The following ABCA7 variants were observed in gnomAD, a reference collection of about 807,000 sequenced individuals.
ABCA7 encodes the protein phospholipid-transporting ATPase ABCA7.
In ABCA7, 261 loss-of-function variants were observed where a neutral mutation model predicts 227.6. The ratio of observed to expected loss-of-function variants is 1.15; its 90% confidence interval spans 1.04 to 1.27. The LOEUF (loss-of-function observed/expected upper bound fraction) is 1.27. ABCA7 is among the 50% of genes most tolerant of loss of function. The pLI is 0.00. For missense variants in ABCA7, 3,331 were observed against 2,924.5 expected (o/e 1.14, Z -3.21); for synonymous variants, 1,488 against 1,279.7 (o/e 1.16, Z -3.47).
At chr19:1,053,888 G>A (rs753265765) in intron 25 of ABCA7, 52 bp downstream of exon 25, 11 of 1,595,324 alleles carry the variant, frequency 6.9e-6, no homozygotes, top group Admixed American at 1.7e-5. Context: ...GGGACCAGAG[G>A]CCAGGTCCCC....
intron 42 of ABCA7, 43 bp from the exon 43 acceptor site, chr19:1,063,501 C>T (rs769769875): frequency 1.2e-6 from 2 of 1,602,416 alleles, no homozygotes; most frequent in South Asian, 2.2e-5. Flanking sequence ...GCCCCATACT[C>T]ATCAATATGA....
rs1026922217 is a variant in ABCA7, at chr19:1,064,839, G to A, written c.6045-92G>A. On this transcript the variant is annotated intron_variant, in intron 45 of 46. Coordinates refer to ENST00000263094, the MANE Select transcript of ABCA7 (RefSeq NM_019112.4). ...GATCGCTAGGGTAGTACAAGTATGGGGCGGGGCCAGAGAGTATTAGGGGCT... is the reference window on the plus strand; with the variant it reads ...GATCGCTAGGGTAGTACAAGTATGGAGCGGGGCCAGAGAGTATTAGGGGCT... 3.4e-6 allele frequency: 5 copies of A among 1,450,500 alleles called. No individual in the cohort carries two copies. In the African/African-American group the frequency reaches 5.8e-5, roughly 17 times the overall value. The allele number at this position is 1,450,500 out of a possible 1,614,324, so 89.9% of individuals were successfully genotyped here.
At chr19:1,064,072 G>C in intron 44 of ABCA7, 89 bp from the exon 45 acceptor site, 1 of 1,414,582 alleles carries the variant, frequency 7.1e-7, no homozygotes, top group South Asian at 1.4e-5. Context: ...CACACCAGAA[G>C]GGTGGCCCAG....
chr19:1,062,917 C>G (rs7255278), intron 42 of ABCA7, among the ~76,000 whole-genome samples: 30 of 136,766 alleles, frequency 2.2e-4, no homozygotes, highest in Admixed American at 1.3e-3. Context: ...TGGCCCCGCC[C>G]CATACTCATG....
Position 1,048,916 on chromosome 19 carries a change from C to G in ABCA7, c.2291C>G (p.Pro764Arg). ...GCAGGCCAGTACGGGATCCCTGAAC[C>G]ATGGAATTTTCCTTTTCGGAGGAGC... ...VCPGQYGIPEPWNFPFRRSYW... is the reference protein window; with the variant it reads ...VCPGQYGIPERWNFPFRRSYW... The change falls in exon 17 of 47, where the codon CCA becomes CGA. Residue 764 changes from proline to arginine, a missense_variant. Physicochemically the swap from Pro to Arg is moderately radical, Grantham distance 103. Coordinates refer to ENST00000263094, the MANE Select transcript of ABCA7 (RefSeq NM_019112.4). The G allele has an allele frequency of 1.9e-6, 3 of 1,609,214 alleles. 1 individual carries two copies. The highest frequency in any genetic ancestry group is 2.2e-5 in the South Asian group (2 of 90,062).
chr19:1,048,036 C>T (rs2040892651), intron 16 of ABCA7, among the ~76,000 whole-genome samples: 1 of 151,694 alleles, frequency 6.6e-6, no homozygotes, highest in Admixed American at 6.6e-5. Context: ...AAAAAGTTAG[C>T]TGGGCGTGGT....
rs781650490 is a variant in ABCA7, at chr19:1,041,821, C to T, written c.161-10C>T. 87 of 1,600,694 alleles carry T rather than the reference C, an allele frequency of 5.4e-5. No individual in the cohort carries two copies. The highest frequency in any genetic ancestry group is 3.2e-4 in the Admixed American group (19 of 58,766). ...TCCACAGGGCCTCAGCACCAGGCGT[C>T]TCCCCGCAGGCCACTTCCCAAACAA... is the stretch of plus-strand genomic sequence containing the variant. On this transcript the variant is annotated splice_polypyrimidine_tract_variant and intron_variant, in intron 3 of 46. Coordinates refer to ENST00000263094, the MANE Select transcript of ABCA7 (RefSeq NM_019112.4).
intron 30 of ABCA7, among the ~76,000 whole-genome samples, chr19:1,055,627 C>T (rs1357281683): frequency 2.0e-5 from 3 of 151,498 alleles, no homozygotes; most frequent in African/African-American, 7.3e-5. Flanking sequence ...CTCAGCCTCC[C>T]GAGTAGCTGG....
rs147783767 is a variant in ABCA7 at position 1,045,210 on chromosome 19, G to A, written c.1424G>A (p.Arg475Lys). Residue 475 changes from arginine to lysine, a missense_variant, in exon 12 of 47, where the codon AGG becomes AAG. Physicochemically the swap from Arg to Lys is conservative, Grantham distance 26 (BLOSUM62 2). Transcript: ENST00000263094. Reference protein sequence around the residue: ...KIRMDIDVVTRTNKIRDRFWD... With the variant: ...KIRMDIDVVTKTNKIRDRFWD... ...CGCATGGACATTGACGTGGTCACGAGGACCAATAAGATCAGGGACAGGTCA... is the reference window on the plus strand; with the variant it reads ...CGCATGGACATTGACGTGGTCACGAAGACCAATAAGATCAGGGACAGGTCA... The A allele has an allele frequency of 6.8e-5, 109 of 1,609,980 alleles. No homozygotes were observed. Among genetic ancestry groups the A allele is most frequent in the Admixed American group, 1.2e-4 (7 of 59,942 alleles).
In ABCA7 at chr19:1,065,259, C is replaced by G; in HGVS notation, c.6286-11C>G. 6.2e-7 allele frequency: 1 copy of G among 1,612,640 alleles called. No homozygotes were observed. Among genetic ancestry groups the G allele is most frequent in the Non-Finnish European group, 8.5e-7 (1 of 1,179,756 alleles). ...CGTCCCTCTTGTCCCCTCTGGGCTG[C>G]CCACCGCTAGGTATTCTTGTACTTC... is the stretch of plus-strand genomic sequence containing the variant. On this transcript the variant is annotated splice_polypyrimidine_tract_variant and intron_variant, in intron 46 of 46. Coordinates refer to ENST00000263094, the MANE Select transcript of ABCA7 (RefSeq NM_019112.4).
rs771163730 is a variant in ABCA7 at position 1,041,426 on chromosome 19, C to T, written c.65C>T (p.Pro22Leu). 13 of 1,614,010 alleles carry T rather than the reference C, an allele frequency of 8.1e-6. No homozygotes were observed. The South Asian group carries it at 1.1e-4, about 14-fold the overall frequency. Residue 22 changes from proline to leucine, a missense_variant and splice_region_variant, in exon 2 of 47, where the codon CCG (proline) becomes CTG (leucine). Physicochemically the swap from Pro to Leu is moderately conservative, Grantham distance 98 (BLOSUM62 -3). Transcript: ENST00000263094. ...WKNFMYRRRQPVQLLVELLWP... is the reference protein window; with the variant it reads ...WKNFMYRRRQLVQLLVELLWP... ...AATTTCATGTATCGCCGGAGACAGC[C>T]GGTAACGCCCCAGTGTGAGACCAGG...
At chr19:1,048,874 A>G in intron 16 of ABCA7, 21 bp from the exon 17 acceptor site, 1 of 1,487,290 alleles carries the variant, frequency 6.7e-7, no homozygotes, top group Non-Finnish European at 9.2e-7. Context: ...GCTAAGCAAT[A>G]ACCCGCGCCC....
chr19:1,054,352 C>T lies in ABCA7; in HGVS notation c.3726+11C>T, dbSNP rs2042053739. 8 of 1,587,050 alleles carry T rather than the reference C, an allele frequency of 5.0e-6. No individual in the cohort carries two copies. The highest frequency in any genetic ancestry group is 6.0e-6 in the Non-Finnish European group (7 of 1,172,088). On this transcript the variant is annotated intron_variant, in intron 27 of 46. Transcript: ENST00000263094. This position sits in a 1 kb window ranked among gnomAD's most constrained non-coding sequence, Gnocchi z 4.8. ...GGCCTGTTCGCCCAGGTGAGGAGGG[C>T]TAGCACCAGGGAGTCGCATGGGAGT...
chr19:1,054,113 A>T lies in ABCA7; in HGVS notation c.3577+3A>T, dbSNP rs2042027217. ...AGCGCTGGAGAACGGGGAACCAGGT[A>T]AGTCCTTCCCAGTGGCCCTGGGGTC... On this transcript the variant is annotated splice_donor_region_variant and intron_variant, in intron 26 of 46. Transcript: ENST00000263094. This position sits in a 1 kb window ranked among gnomAD's most constrained non-coding sequence, Gnocchi z 4.8. The T allele has an allele frequency of 6.2e-7, 1 of 1,613,032 alleles. No individual in the cohort carries two copies. The highest frequency in any genetic ancestry group is 1.3e-5 in the African/African-American group (1 of 74,876).
In ABCA7 at chr19:1,058,240, A is replaced by G; in HGVS notation, c.5120A>G (p.Gln1707Arg). Residue 1707 changes from glutamine (Q) to arginine (R), a missense_variant, in exon 37 of 47, where the codon CAG (glutamine) becomes CGG (arginine). Coordinates refer to ENST00000263094, the MANE Select transcript of ABCA7 (RefSeq NM_019112.4). ...GRGLIDMVRNQAMADAFERLG... is the reference protein window; with the variant it reads ...GRGLIDMVRNRAMADAFERLG... ...GGGCTCATTGACATGGTGCGGAACC[A>G]GGCCATGGCTGATGCCTTTGAGCGC... 1 of 1,613,696 alleles carries G rather than the reference A, an allele frequency of 6.2e-7. No homozygotes were observed.
At chr19:1,055,433 G>A in intron 30 of ABCA7, 82 bp downstream of exon 30, 1 of 1,445,326 alleles carries the variant, frequency 6.9e-7, no homozygotes, top group Non-Finnish European at 9.1e-7. Context: ...CCTGGAGGAG[G>A]AAGTGGAGGG....
Position 1,046,972 on chromosome 19 carries a change from G to A in ABCA7, c.1793G>A (p.Ser598Asn), listed in dbSNP as rs972918339. The A allele has an allele frequency of 6.3e-7, 1 of 1,583,972 alleles. No individual in the cohort carries two copies. Among genetic ancestry groups the A allele is most frequent in the Non-Finnish European group, 8.6e-7 (1 of 1,168,620 alleles). ...GTGCTCTGGCTAGGCTGGTTCCTCA[G>A]CTGCCTCGGGCCCTTCCTGCTCAGC... ...RAVLWLGWFL[S>N]CLGPFLLSAA... Residue 598 changes from serine to asparagine, a missense_variant, in exon 14 of 47, where the codon AGC becomes AAC. By Grantham distance (46) the Ser-to-Asn change is conservative. Transcript: ENST00000263094.
rs562234430 is a variant in ABCA7, at chr19:1,051,225, G to T, written c.2755G>T (p.Glu919Ter). Residue 919 changes from glutamate to a stop codon, truncating the protein, a stop_gained, in exon 20 of 47, where the codon GAG (glutamate) becomes TAG (stop). Transcript: ENST00000263094. LOFTEE classifies it high-confidence loss of function. ...KGLSAAVVGP[E>*]QDRLLQDVGL... is the part of the protein sequence containing the mutation. ...TCTGAGTGCCGCTGTAGTGGGCCCC[G>T]AGCAGGACCGTCTGCTGCAGGATGT... 9.3e-6 allele frequency: 15 copies of T among 1,610,772 alleles called. No individual in the cohort carries two copies. The East Asian group carries it at 2.9e-4, about 31-fold the overall frequency.
chr19:1,064,140 C>T (rs898524030), intron 44 of ABCA7, 21 bp from the exon 45 acceptor site: 1 of 1,540,012 alleles, frequency 6.5e-7, no homozygotes, highest in Admixed American at 2.0e-5. Flanking sequence ...TCACGGAGCT[C>T]GTGGTGCCGG....
Sources: gnomAD v4.1 joint callset for allele counts (sites outside exome capture counted in the v4.1 genomes callset) on GRCh38, gnomAD v4.1.1 for gene constraint, Gnocchi (gnomAD v3.1) non-coding constraint, MANE v1.5 for transcripts, NCBI Gene and HGNC (gene_info 2026-07-23, HGNC 2026-07-21) for gene names.